The following MDGA2 variants were observed in gnomAD, a reference collection of about 807,000 sequenced individuals.
The protein encoded by MDGA2 is MAM domain containing glycosylphosphatidylinositol anchor 2.
MDGA2 carries 40 observed loss-of-function variants against 117.8 expected under a neutral mutation model. The ratio of observed to expected loss-of-function variants is 0.34; its 90% confidence interval spans 0.26 to 0.44. The LOEUF (loss-of-function observed/expected upper bound fraction) is 0.44, where lower values mean the gene tolerates loss of function less well. Ranked by LOEUF, MDGA2 falls within the 20% of genes least tolerant of loss-of-function variation. The pLI, the probability that MDGA2 is intolerant of heterozygous loss-of-function variation, is 1.00. For synonymous variants in MDGA2, 452 were observed against 439.0 expected (o/e 1.03, Z -0.37); for missense variants, 1,123 against 1,250.6 (o/e 0.90, Z 1.54).
chr14:46,855,101 G>C lies in MDGA2; in HGVS notation c.2806C>G (p.Leu936Val), dbSNP rs750072513. The change falls in exon 15 of 17, where the codon CTG (leucine) becomes GTG (valine). Residue 936 changes from leucine to valine, a missense_variant. Around this residue, in one of 2 missense-constraint regions of MDGA2, gnomAD observed 890 missense variants for 1,050.3 expected, o/e 0.85. Transcript: ENST00000399232. The surrounding 1 kb of genome is among the most constrained non-coding windows in gnomAD (Gnocchi z 4.1). ...CCTTTATTCCCACTTGAAGACCACAGTGGATTCTCTATTGTTGTTTGCCCT... is the reference window on the plus strand; with the variant it reads ...CCTTTATTCCCACTTGAAGACCACACTGGATTCTCTATTGTTGTTTGCCCT... ...LKGQTTIENPLWSSSGNKGQR... is the reference protein window; with the variant it reads ...LKGQTTIENPVWSSSGNKGQR... 9.3e-6 allele frequency: 15 copies of C among 1,611,300 alleles called. No individual in the cohort carries two copies. Among genetic ancestry groups the C allele is most frequent in the Non-Finnish European group, 1.3e-5 (15 of 1,178,274 alleles).
chr14:47,126,939 T>G (rs2139129276), intron 5 of MDGA2, among the ~76,000 whole-genome samples: 1 of 152,264 alleles, frequency 6.6e-6, no homozygotes, highest in African/African-American at 2.4e-5. Flanking sequence ...ATAGACTGAC[T>G]GCAATTAAAA....
At chr14:47,474,389 G>T (rs1441979468) in intron 1 of MDGA2, among the ~76,000 whole-genome samples, 1 of 151,962 alleles carries the variant, frequency 6.6e-6, no homozygotes, top group Non-Finnish European at 1.5e-5. Flanking sequence ...TCAATATCAT[G>T]AAAATGGCCA....
In MDGA2 at chr14:47,157,567, G is replaced by A. The variant is rs138054098; in HGVS notation, c.596-13293C>T. Among the ~76,000 whole-genome samples, 20 of 150,764 alleles carry A rather than the reference G, an allele frequency of 1.3e-4. No homozygotes were observed. In the East Asian group the frequency reaches 3.7e-3, roughly 28 times the overall value. ...CTCCTGAAAAATGAAAATAACAAAG[G>A]ATATAAATTTTTAAACTATGTACAT... On this transcript the variant is annotated intron_variant, in intron 3 of 16. Coordinates refer to ENST00000399232, the MANE Select transcript of MDGA2 (RefSeq NM_001113498.3).
intron 6 of MDGA2, among the ~76,000 whole-genome samples, chr14:47,089,680 T>C (rs1891036764): frequency 6.6e-6 from 1 of 152,042 alleles, no homozygotes. Flanking sequence ...GTATAGCACA[T>C]ATATACCATG....
chr14:47,093,588 C>A (rs1255799237), intron 6 of MDGA2, among the ~76,000 whole-genome samples: 1 of 152,030 alleles, frequency 6.6e-6, no homozygotes, highest in African/African-American at 2.4e-5. Flanking sequence ...TCAGACACTG[C>A]AATTTCTTAA....
intron 2 of MDGA2, among the ~76,000 whole-genome samples, chr14:47,271,564 G>C (rs1199002083): frequency 6.6e-6 from 1 of 152,118 alleles, no homozygotes; most frequent in Non-Finnish European, 1.5e-5. Context: ...CCTGGAAGGA[G>C]TCATCAAACA....
At chr14:47,410,512 T>A (rs938413796) in intron 1 of MDGA2, among the ~76,000 whole-genome samples, 1 of 152,170 alleles carries the variant, frequency 6.6e-6, no homozygotes, top group Non-Finnish European at 1.5e-5. Flanking sequence ...AACAAACTTA[T>A]AACAAGTGAT....
At chr14:47,350,145 T>TC (rs1193598400) in intron 1 of MDGA2, among the ~76,000 whole-genome samples, 1 of 152,122 alleles carries the variant, frequency 6.6e-6, no homozygotes, top group African/African-American at 2.4e-5. Flanking sequence ...ACTTTACTAC[T>TC]CCCCCAGGAC....
At chr14:47,195,316 C>T (rs1885250623) in intron 3 of MDGA2, among the ~76,000 whole-genome samples, 1 of 151,932 alleles carries the variant, frequency 6.6e-6, no homozygotes. Context: ...TGCTAATCTA[C>T]TCGAAAATAG....
intron 1 of MDGA2, among the ~76,000 whole-genome samples, chr14:47,315,886 T>C (rs1476017039): frequency 6.7e-6 from 1 of 149,738 alleles, no homozygotes; most frequent in Non-Finnish European, 1.5e-5. Flanking sequence ...TGCCACAAGT[T>C]TTTTTTTTTC....
intron 2 of MDGA2, among the ~76,000 whole-genome samples, chr14:47,221,571 C>T (rs1382262391): frequency 6.6e-6 from 1 of 151,490 alleles, no homozygotes; most frequent in Admixed American, 6.6e-5. Context: ...GCCTATAGTC[C>T]CAGCTATTTG....
intron 1 of MDGA2, among the ~76,000 whole-genome samples, chr14:47,540,563 T>TATATATATACATACAC (rs370481455): frequency 1.8e-5 from 2 of 112,542 alleles, no homozygotes; most frequent in East Asian, 3.1e-4. Context: ...TGTATATATA[T>TATATATATACATACAC]ACACACACAC....
chr14:46,920,690 A>C (rs1319398797), intron 9 of MDGA2, among the ~76,000 whole-genome samples: 2 of 152,190 alleles, frequency 1.3e-5, no homozygotes, highest in Non-Finnish European at 2.9e-5. Context: ...TTATGGGAGG[A>C]GATAAAAACC....
At chr14:47,326,150 C>A (rs2139894070) in intron 1 of MDGA2, among the ~76,000 whole-genome samples, 1 of 151,994 alleles carries the variant, frequency 6.6e-6, no homozygotes, top group Non-Finnish European at 1.5e-5. Context: ...TGAATGGTAC[C>A]AAAAAAATCA....
intron 9 of MDGA2, among the ~76,000 whole-genome samples, chr14:46,939,851 T>G (rs571550144): frequency 6.6e-6 from 1 of 152,294 alleles, no homozygotes; most frequent in East Asian, 1.9e-4. Flanking sequence ...CTGTCCAAAG[T>G]CCATTTTACA....
intron 1 of MDGA2, among the ~76,000 whole-genome samples, chr14:47,471,609 T>A (rs971347810): frequency 6.6e-6 from 1 of 152,158 alleles, no homozygotes; most frequent in Non-Finnish European, 1.5e-5. Flanking sequence ...TACATGGATT[T>A]ACTCAATTCA....
chr14:47,506,775 G>T (rs563087713), intron 1 of MDGA2, among the ~76,000 whole-genome samples: 11 of 152,288 alleles, frequency 7.2e-5, no homozygotes, highest in African/African-American at 2.4e-4. Context: ...AGCACTTTGG[G>T]AAGCTGAGGC....
intron 1 of MDGA2, among the ~76,000 whole-genome samples, chr14:47,430,056 G>A (rs944549321): frequency 2.0e-5 from 3 of 150,942 alleles, no homozygotes; most frequent in Non-Finnish European, 4.4e-5. Context: ...TGGGAGAATG[G>A]AGTTGAAATC....
intron 8 of MDGA2, among the ~76,000 whole-genome samples, chr14:46,969,344 G>C (rs1886166554): frequency 1.3e-5 from 2 of 152,292 alleles, no homozygotes; most frequent in African/African-American, 4.8e-5. Context: ...CACAAGGGTT[G>C]AACTAGTTTA....
Sources: allele counts gnomAD v4.1 joint callset (sites outside exome capture counted in the v4.1 genomes callset), GRCh38; gene constraint gnomAD v4.1.1; regional missense constraint gnomAD v4.1.1; non-coding constraint Gnocchi (gnomAD v3.1); transcripts MANE v1.5; gene names NCBI Gene and HGNC (gene_info 2026-07-23, HGNC 2026-07-21).